The following P4HA3 variants were observed in gnomAD, a reference collection of about 807,000 sequenced individuals.
P4HA3 encodes the protein prolyl 4-hydroxylase subunit alpha-3.
In P4HA3, 60 loss-of-function variants were observed where a neutral mutation model predicts 66.7. The observed-to-expected ratio is 0.90, with a 90% CI of 0.73 to 1.12. The LOEUF is 1.12. Among genes scored for constraint, P4HA3 ranks in the 50% most tolerant of loss-of-function variants. The probability of loss-of-function intolerance (pLI) is 0.00; values close to 1 mark genes in which losing one functional copy is unlikely to be tolerated. For synonymous variants in P4HA3, 263 were observed against 274.6 expected (o/e 0.96, Z 0.42); for missense variants, 683 against 685.8 (o/e 1.00, Z 0.05).
intron 15 of P4HA3, chr11:74,253,489 C>T: frequency 6.2e-7 from 1 of 1,607,206 alleles, no homozygotes. Flanking sequence ...TGTTCTTCCA[C>T]AGTGTGTTTC....
downstream of P4HA3, among the ~76,000 whole-genome samples, chr11:74,265,620 C>T (rs1859979059): frequency 6.6e-6 from 1 of 152,206 alleles, no homozygotes; most frequent in Non-Finnish European, 1.5e-5. Context: ...CCTGCTAGAC[C>T]TACTGCTGGG....
intron 3 of P4HA3, 82 bp from the exon 4 acceptor site, chr11:74,298,443 C>T (rs1322819280): frequency 2.0e-5 from 30 of 1,482,670 alleles, no homozygotes; most frequent in Non-Finnish European, 2.5e-5. Flanking sequence ...ATAAGAGGGA[C>T]TTTGGAATCC....
At chr11:74,288,391 A>G (rs996155605) in intron 5 of P4HA3, among the ~76,000 whole-genome samples, 1 of 152,192 alleles carries the variant, frequency 6.6e-6, no homozygotes, top group African/African-American at 2.4e-5. Context: ...TCTTGCGTAC[A>G]TAGTGCACAC....
chr11:74,297,819 G>A (rs896060137), intron 4 of P4HA3, among the ~76,000 whole-genome samples: 2 of 152,130 alleles, frequency 1.3e-5, no homozygotes, highest in African/African-American at 2.4e-5. Flanking sequence ...TATCTGTGAT[G>A]AATTATGAGT....
intron 15 of P4HA3, among the ~76,000 whole-genome samples, chr11:74,256,238 C>T (rs1328596244): frequency 6.6e-6 from 1 of 152,130 alleles, no homozygotes; most frequent in Non-Finnish European, 1.5e-5. Context: ...CATTTTGGAC[C>T]AGATACTTAA....
At chr11:74,308,416 C>T (rs930516598) in intron 1 of P4HA3, among the ~76,000 whole-genome samples, 27 of 152,136 alleles carry the variant, frequency 1.8e-4, no homozygotes, top group East Asian at 1.7e-3. Context: ...GGTGTGCACC[C>T]GTAGTCCTAG....
exon 15 of P4HA3, chr11:74,260,012 T>C (rs1163029881): frequency 2.0e-5 from 3 of 152,262 alleles, no homozygotes; most frequent in African/African-American, 4.8e-5. Context: ...CTGCACCATT[T>C]CACATTCCCA....
intron 4 of P4HA3, among the ~76,000 whole-genome samples, chr11:74,294,239 C>T (rs568806869): frequency 1.3e-5 from 2 of 152,290 alleles, no homozygotes; most frequent in South Asian, 2.1e-4. Flanking sequence ...TTGATTGCAT[C>T]GGCTACTGAG....
At chr11:74,304,733 A>G (rs1485311984) in intron 1 of P4HA3, among the ~76,000 whole-genome samples, 1 of 152,196 alleles carries the variant, frequency 6.6e-6, no homozygotes, top group Admixed American at 6.5e-5. Flanking sequence ...TTCTCCTGTC[A>G]TCACTGTATA....
chr11:74,273,715 G>A, intron 9 of P4HA3, 108 bp from the exon 10 acceptor site: 1 of 867,458 alleles, frequency 1.2e-6, no homozygotes, highest in South Asian at 2.7e-5. Flanking sequence ...CATCAAAGAT[G>A]GGATATAGTT....
intron 3 of P4HA3, among the ~76,000 whole-genome samples, chr11:74,300,778 C>A (rs1485242137): frequency 6.6e-6 from 1 of 152,014 alleles, no homozygotes; most frequent in Non-Finnish European, 1.5e-5. Context: ...GGTATTCATC[C>A]AAGAGAAATG....
rs763074825 is a variant in P4HA3, at chr11:74,286,257, C to T, written c.904G>A (p.Glu302Lys). ...GAACCCAGGGTCTGACATAGCCCCT[C>T]GTAGGTGTCTCTGGTCTGCAGGTGG... is the stretch of plus-strand genomic sequence containing the variant. ...IPHLQTRDTY[E>K]GLCQTLGSQP... The change falls in exon 6 of 13, where the codon GAG (glutamate) becomes AAG (lysine). Residue 302 changes from glutamate to lysine, a missense_variant. Glu to Lys is a moderately conservative substitution (Grantham distance 56). Transcript: ENST00000331597. 9 of 1,612,974 alleles carry T rather than the reference C, an allele frequency of 5.6e-6. No homozygotes were observed. The East Asian group carries it at 8.9e-5, about 16-fold the overall frequency.
chr11:74,257,560 G>C (rs571205259), intron 15 of P4HA3, among the ~76,000 whole-genome samples: 45 of 152,290 alleles, frequency 3.0e-4, no homozygotes, highest in African/African-American at 9.6e-4. Context: ...ACTGTGGCTG[G>C]AGTATGGGCC....
At chr11:74,277,691 T>C (rs1400259392) in intron 8 of P4HA3, among the ~76,000 whole-genome samples, 3 of 152,268 alleles carry the variant, frequency 2.0e-5, no homozygotes, top group African/African-American at 7.2e-5. Flanking sequence ...ATCTCTGCTC[T>C]ACTGCAAGAC....
chr11:74,260,372 C>T (rs1257688216), intron 14 of P4HA3, among the ~76,000 whole-genome samples: 20 of 152,128 alleles, frequency 1.3e-4, no homozygotes, highest in Admixed American at 1.1e-3. Flanking sequence ...AGGGTGAGCC[C>T]GCTGACAATT....
intron 15 of P4HA3, among the ~76,000 whole-genome samples, chr11:74,259,197 G>A (rs1165645813): frequency 1.3e-5 from 2 of 152,166 alleles, no homozygotes; most frequent in South Asian, 2.1e-4. Context: ...TGGCCAACAT[G>A]GCGAAACCCC....
chr11:74,273,612 G>GAAA lies in P4HA3; in HGVS notation c.1336-8_1336-6dup, dbSNP rs747947907. The GAAA allele has an allele frequency of 1.6e-5, 20 of 1,272,386 alleles. No homozygotes were observed. The highest frequency in any genetic ancestry group is 6.3e-5 in the South Asian group (4 of 63,296). 78.8% of individuals were successfully genotyped at this position (1,272,386 alleles called of 1,614,324 possible). ...GTAGAGGGGGCTGCTTGGTGACTGA[G>GAAA]AAAAAAAAAAACAGAACATATTATT... is the stretch of plus-strand genomic sequence containing the variant. On this transcript the variant is annotated splice_region_variant and splice_polypyrimidine_tract_variant and intron_variant, in intron 9 of 12. Transcript: ENST00000331597.
At chr11:74,296,680 T>C (rs527249018) in intron 4 of P4HA3, among the ~76,000 whole-genome samples, 1 of 152,274 alleles carries the variant, frequency 6.6e-6, no homozygotes, top group African/African-American at 2.4e-5. Flanking sequence ...ATCCAAGCCA[T>C]CAGAGTTAGA....
At chr11:74,301,553 C>T (rs1861407058) in intron 3 of P4HA3, among the ~76,000 whole-genome samples, 2 of 152,136 alleles carry the variant, frequency 1.3e-5, no homozygotes, top group South Asian at 4.1e-4. Flanking sequence ...GGAATCAGGA[C>T]ACATGAGACC....
Sources: gnomAD v4.1 joint callset for allele counts (sites outside exome capture counted in the v4.1 genomes callset) on GRCh38, gnomAD v4.1.1 for gene constraint, MANE v1.5 for transcripts, NCBI Gene and HGNC (gene_info 2026-07-23, HGNC 2026-07-21) for gene names.